The following C19orf38 variants were observed in gnomAD, a reference collection of about 807,000 sequenced individuals.
The protein encoded by C19orf38 is chromosome 19 open reading frame 38, also known as protein HIDE1.
C19orf38 carries 14 observed loss-of-function variants against 26.6 expected under a neutral mutation model. That is an observed-to-expected ratio of 0.53 (90% confidence interval 0.35 to 0.82). The LOEUF is 0.82. Among genes scored for constraint, C19orf38 ranks in the 40% least tolerant of loss-of-function variants. The pLI, the probability that C19orf38 is intolerant of heterozygous loss-of-function variation, is 0.01. For synonymous variants in C19orf38, 132 were observed against 128.5 expected (o/e 1.03, Z -0.18); for missense variants, 261 against 299.5 (o/e 0.87, Z 0.95).
intron 4 of C19orf38, among the ~76,000 whole-genome samples, chr19:10,858,993 A>G (rs1361137753): frequency 1.3e-5 from 2 of 149,430 alleles, no homozygotes; most frequent in Non-Finnish European, 3.0e-5. Flanking sequence ...CTGGAGTGCA[A>G]TGGCCTGATC....
chr19:10,862,485 G>A (rs564050234), intron 5 of C19orf38, among the ~76,000 whole-genome samples: 16 of 151,546 alleles, frequency 1.1e-4, no homozygotes, highest in Admixed American at 5.3e-4. Flanking sequence ...GATTACAGCC[G>A]TGAGCCACCT....
At chr19:10,860,641 A>G (rs1383322272) in intron 5 of C19orf38, among the ~76,000 whole-genome samples, 27 of 149,310 alleles carry the variant, frequency 1.8e-4, no homozygotes, top group African/African-American at 5.9e-4. Flanking sequence ...GGAGATCGAG[A>G]CCATCCTGGC....
rs1186893580 is a variant in C19orf38 at position 10,869,280 on chromosome 19, C to T, written c.606C>T (p.Pro202=). The change falls in exon 7 of 7, where the codon CCC becomes CCT. Residue 202 remains proline, a synonymous_variant. Transcript: ENST00000397820. Reference sequence around the variant, plus strand: ...ATCACTCAGGCACCACTGCCACCCCCAGCAACTCCAGGACCCGGAAGAGGC... The same window carrying T: ...ATCACTCAGGCACCACTGCCACCCCTAGCAACTCCAGGACCCGGAAGAGGC... ...LDDHSGTTAT[P]SNSRTRKRPT... 2.6e-6 allele frequency: 4 copies of T among 1,551,598 alleles called. No homozygotes were observed. In the African/African-American group the frequency reaches 4.1e-5, roughly 16 times the overall value.
intron 5 of C19orf38, among the ~76,000 whole-genome samples, chr19:10,862,566 A>G (rs542428432): frequency 6.7e-4 from 102 of 152,152 alleles, no homozygotes; most frequent in African/African-American, 2.4e-3. Context: ...GTGGTGGCTC[A>G]CACCTGTAAT....
Position 10,841,985 on chromosome 19 carries a change from T to C in C19orf38, c.-69+5215T>C. 4 of 1,610,700 alleles carry C rather than the reference T, an allele frequency of 2.5e-6. 1 individual carries two copies. The South Asian group carries it at 3.3e-5, about 13-fold the overall frequency. On this transcript the variant is annotated intron_variant, in intron 1 of 7. Transcript: ENST00000592854. ...TCTTCAAAATTTCAGGTCTTAAATC[T>C]GGAGAAGGAAGCCAACATCCTTTTG... is the stretch of plus-strand genomic sequence containing the variant.
At chr19:10,863,371 G>A (rs1319913850) in intron 6 of C19orf38, among the ~76,000 whole-genome samples, 164 bp downstream of exon 6, 5 of 152,158 alleles carry the variant, frequency 3.3e-5, no homozygotes, top group South Asian at 2.1e-4. Flanking sequence ...GTAGTGAGCC[G>A]AGAGTTGGCT....
intron 1 of C19orf38, among the ~76,000 whole-genome samples, chr19:10,841,049 G>GCT (rs1220349013): frequency 6.7e-6 from 1 of 149,482 alleles, no homozygotes; most frequent in African/African-American, 2.5e-5. Flanking sequence ...TCTCGGTGGT[G>GCT]TGTATATCTT....
intron 5 of C19orf38, among the ~76,000 whole-genome samples, chr19:10,862,063 T>C (rs2073703816): frequency 6.6e-6 from 1 of 151,686 alleles, no homozygotes; most frequent in Admixed American, 6.6e-5. Context: ...CACACCCGGC[T>C]AATTTTTTGT....
intron 2 of C19orf38, among the ~76,000 whole-genome samples, chr19:10,855,430 C>T (rs547850747): frequency 1.3e-5 from 2 of 152,124 alleles, no homozygotes; most frequent in Non-Finnish European, 2.9e-5. Flanking sequence ...CTCCACTTCC[C>T]GGGTTCAAAC....
At chr19:10,860,550 A>G (rs1485265314) in intron 5 of C19orf38, among the ~76,000 whole-genome samples, 2 of 148,428 alleles carry the variant, frequency 1.3e-5, no homozygotes, top group African/African-American at 2.5e-5. Flanking sequence ...AAAAAAAAAA[A>G]AAAAAAAAAG....
intron 3 of C19orf38, among the ~76,000 whole-genome samples, chr19:10,857,841 A>G (rs1238825533): frequency 6.6e-6 from 1 of 151,318 alleles, no homozygotes; most frequent in Admixed American, 6.6e-5. Context: ...AGATCATACC[A>G]CTGCACTCCA....
chr19:10,848,896 G>T (rs954624373), intron 1 of C19orf38, among the ~76,000 whole-genome samples: 12 of 152,098 alleles, frequency 7.9e-5, no homozygotes, highest in African/African-American at 2.9e-4. Flanking sequence ...GGGGTGGGTG[G>T]GGGTTGGAGG....
chr19:10,838,590 G>T (rs1227689408), intron 1 of C19orf38, among the ~76,000 whole-genome samples: 1 of 152,036 alleles, frequency 6.6e-6, no homozygotes, highest in Non-Finnish European at 1.5e-5. Context: ...ACCCGGGGTC[G>T]TTGTCTCACA....
chr19:10,856,271 C>T lies in C19orf38; in HGVS notation c.347C>T (p.Thr116Ile). Residue 116 changes from threonine to isoleucine, a missense_variant, in exon 3 of 7, where the codon ACT becomes ATT. Coordinates refer to ENST00000397820, the MANE Select transcript of C19orf38 (RefSeq NM_001136482.3). ...TTTTCTGATTTTCCTCCAGTGCCCACTTGGATCTTGGTGCTCTCCCTGAGC... is the reference window on the plus strand; with the variant it reads ...TTTTCTGATTTTCCTCCAGTGCCCATTTGGATCTTGGTGCTCTCCCTGAGC... ...EPVNVSFPVPTWILVLSLSLA... is the reference protein window; with the variant it reads ...EPVNVSFPVPIWILVLSLSLA... 6.4e-7 allele frequency: 1 copy of T among 1,550,844 alleles called. No individual in the cohort carries two copies. Among genetic ancestry groups the T allele is most frequent in the Non-Finnish European group, 8.7e-7 (1 of 1,146,270 alleles).
rs984180245 is a variant in C19orf38 at position 10,858,243 on chromosome 19, A to C, written c.434-73A>C. The C allele has an allele frequency of 1.8e-4, 224 of 1,225,884 alleles. 1 individual carries two copies. In the African/African-American group the frequency reaches 3.1e-3, roughly 17 times the overall value. 75.9% of individuals were successfully genotyped at this position (1,225,884 alleles called of 1,614,324 possible). On this transcript the variant is annotated intron_variant, in intron 3 of 6. Coordinates refer to ENST00000397820, the MANE Select transcript of C19orf38 (RefSeq NM_001136482.3). ...ACTCTGTCTAAAAAAAAAAAAAAAA[A>C]AAAAAAAAACAGAAATTGCCGGATA...
At chr19:10,861,812 A>C (rs2146272470) in intron 5 of C19orf38, among the ~76,000 whole-genome samples, 1 of 152,006 alleles carries the variant, frequency 6.6e-6, no homozygotes, top group Non-Finnish European at 1.5e-5. Context: ...TCATGACCTC[A>C]GGTGATCCAC....
intron 1 of C19orf38, among the ~76,000 whole-genome samples, chr19:10,842,921 G>T (rs536180227): frequency 5.4e-4 from 83 of 152,316 alleles, no homozygotes; most frequent in Admixed American, 2.2e-3. Flanking sequence ...TCTGCATTCG[G>T]CAGTTCTCAA....
intron 5 of C19orf38, 143 bp from the exon 6 acceptor site, chr19:10,863,027 G>A: frequency 1.3e-6 from 1 of 772,068 alleles, no homozygotes; most frequent in Non-Finnish European, 2.2e-6. Flanking sequence ...CGTGCAGAAT[G>A]GGTTGGAAAG....
chr19:10,837,502 C>CTTTTTTTTTTTTTTTTTTTTTTT (rs2073443327), intron 1 of C19orf38, among the ~76,000 whole-genome samples: 1 of 117,742 alleles, frequency 8.5e-6, no homozygotes, highest in Non-Finnish European at 1.8e-5. Flanking sequence ...ATTTTTTTTT[C>CTTTTTTTTTTTTTTTTTTTTTTT]CTTTTTTTTT....
Sources: allele counts gnomAD v4.1 joint callset (sites outside exome capture counted in the v4.1 genomes callset), GRCh38; gene constraint gnomAD v4.1.1; transcripts MANE v1.5; gene names NCBI Gene and HGNC (gene_info 2026-07-23, HGNC 2026-07-21).